RP1L1: variants seen among roughly 807,000 people sequenced by gnomAD.
RP1L1 encodes the protein RP1 like 1.
In RP1L1, 27 loss-of-function variants were observed where a neutral mutation model predicts 15.7. The ratio of observed to expected loss-of-function variants is 1.72; its 90% confidence interval spans 1.27 to 2.38. The LOEUF is 2.38. Ranked by LOEUF, RP1L1 falls within the 30% of genes most tolerant of loss-of-function variation. The probability of loss-of-function intolerance (pLI) is 0.00; values close to 1 mark genes in which losing one functional copy is unlikely to be tolerated. For synonymous variants in RP1L1, 1,813 were observed against 1,276.7 expected (o/e 1.42, Z -8.96); for missense variants, 4,798 against 3,075.9 (o/e 1.56, Z -13.24).
chr8:10,646,739 T>A (rs898731565), intron 1 of RP1L1, among the ~76,000 whole-genome samples: 2 of 152,188 alleles, frequency 1.3e-5, no homozygotes, highest in African/African-American at 4.8e-5. Flanking sequence ...CTCAACCACC[T>A]ACTAGCTACG....
In RP1L1 at chr8:10,609,424, G is replaced by A. The variant is rs372744963; in HGVS notation, c.4674C>T (p.Ala1558=). ...GTTGGGCCACGTCCTGCTGCAGCTC[G>A]GCCGCCATCTGGTCCAGCAGATCAT... ...QDNDLLDQMA[A]ELQQDVAQRL... Residue 1558 remains alanine, a synonymous_variant, in exon 4 of 4, where the codon GCC becomes GCT. Transcript: ENST00000382483. The A allele has an allele frequency of 3.0e-5, 49 of 1,612,108 alleles. No individual in the cohort carries two copies. Among genetic ancestry groups the A allele is most frequent in the South Asian group, 4.4e-5 (4 of 91,056 alleles).
intron 1 of RP1L1, among the ~76,000 whole-genome samples, chr8:10,652,704 G>T (rs1798580600): frequency 6.6e-6 from 1 of 151,160 alleles, no homozygotes; most frequent in Non-Finnish European, 1.5e-5. Flanking sequence ...GCCCACATCT[G>T]AACACCAAGA....
Position 10,608,268 on chromosome 8 carries a change from C to T in RP1L1, c.5830G>A (p.Glu1944Lys), listed in dbSNP as rs1797751161. Residue 1944 changes from glutamate (E) to lysine (K), a missense_variant, in exon 4 of 4, where the codon GAA becomes AAA. Glu to Lys is a moderately conservative substitution (Grantham distance 56). Transcript: ENST00000382483. ...CCTTCTGCCTCCTGGGCCGCCTCTT[C>T]TGCCTCTTGGGCCTCTGCACCTTCT... ...ESEGAEAQEA[E>K]EAAQEAEGQT... The T allele has an allele frequency of 6.3e-7, 1 of 1,596,944 alleles. No individual in the cohort carries two copies. The highest frequency in any genetic ancestry group is 8.6e-7 in the Non-Finnish European group (1 of 1,167,600).
At chr8:10,619,870 A>T (rs1798030792) in intron 2 of RP1L1, among the ~76,000 whole-genome samples, 1 of 151,888 alleles carries the variant, frequency 6.6e-6, no homozygotes. Flanking sequence ...CTGAGGCAGA[A>T]GAATCGCTTG....
At position 10,631,282 on chromosome 8, in the gene RP1L1, C is replaced by T. The variant is rs370837378; in HGVS notation, c.-19-8062G>A. On this transcript the variant is annotated intron_variant, in intron 1 of 3. Transcript: ENST00000382483. ...ACACACGCACACAAACACGCATGCACACACACGCACACAAACACGCATGCA... is the reference window on the plus strand; with the variant it reads ...ACACACGCACACAAACACGCATGCATACACACGCACACAAACACGCATGCA... Among the ~76,000 whole-genome samples the T allele has an allele frequency of 4.2e-4, 63 of 151,148 alleles. No homozygotes were observed. The South Asian group carries it at 0.012, about 29-fold the overall frequency.
At chr8:10,615,670 G>A (rs12544796) in intron 3 of RP1L1, among the ~76,000 whole-genome samples, 47,579 of 151,168 alleles carry the variant, frequency 0.31, 7,844 homozygotes, top group East Asian at 0.55. Flanking sequence ...CTGGGACCAC[G>A]GGTATGCGCC....
chr8:10,614,782 G>C (rs117434978), intron 3 of RP1L1, among the ~76,000 whole-genome samples: 3 of 151,618 alleles, frequency 2.0e-5, no homozygotes, highest in Non-Finnish European at 4.4e-5. Flanking sequence ...CCATCTCCTG[G>C]GGGGAGGGGG....
At chr8:10,613,996 G>T (rs1476070104) in intron 3 of RP1L1, among the ~76,000 whole-genome samples, 1 of 152,146 alleles carries the variant, frequency 6.6e-6, no homozygotes, top group Non-Finnish European at 1.5e-5. Flanking sequence ...GATTGGTTCG[G>T]TTCGTATTGA....
In RP1L1 at chr8:10,608,737, C is replaced by G. The variant is rs745721841; in HGVS notation, c.5361G>C (p.Leu1787Phe). The G allele has an allele frequency of 6.2e-7, 1 of 1,614,250 alleles. No individual in the cohort carries two copies. ...HNSETSAGSE[L>F]GEAEQEGEGI... ...CCTCTCCCTCCTGCTCAGCTTCCCC[C>G]AACTCACTGCCCGCACTGGTTTCAC... is the stretch of plus-strand genomic sequence containing the variant. Residue 1787 changes from leucine to phenylalanine, a missense_variant, in exon 4 of 4, where the codon TTG becomes TTC. By Grantham distance (22) the Leu-to-Phe change is conservative. Coordinates refer to ENST00000382483, the MANE Select transcript of RP1L1 (RefSeq NM_178857.6).
In RP1L1 at chr8:10,609,084, G is replaced by A. The variant is rs750551276; in HGVS notation, c.5014C>T (p.Pro1672Ser). Reference sequence around the variant, plus strand: ...CTGGTTGCCCCCATTGTGGCCTTGGGGGACATAGGGCTCACTTTCTTCCTC... The same window carrying A: ...CTGGTTGCCCCCATTGTGGCCTTGGAGGACATAGGGCTCACTTTCTTCCTC... The part of the protein sequence containing the change: ...CVRKKVSPMS[P>S]KATMGATRGP... Residue 1672 changes from proline to serine, a missense_variant, in exon 4 of 4, where the codon CCC (proline) becomes TCC (serine). Physicochemically the swap from Pro to Ser is moderately conservative, Grantham distance 74 (BLOSUM62 -1). Coordinates refer to ENST00000382483, the MANE Select transcript of RP1L1 (RefSeq NM_178857.6). 28 of 1,613,792 alleles carry A rather than the reference G, an allele frequency of 1.7e-5. 2 individuals are homozygous for A. In the South Asian group the frequency reaches 1.8e-4, roughly 10 times the overall value.
rs770222295 is a variant in RP1L1 at position 10,608,727 on chromosome 8, C to T, written c.5371G>A (p.Glu1791Lys). The change falls in exon 4 of 4, where the codon GAG (glutamate) becomes AAG (lysine). Residue 1791 changes from glutamate (E) to lysine (K), a missense_variant. Physicochemically the swap from Glu to Lys is moderately conservative, Grantham distance 56. Coordinates refer to ENST00000382483, the MANE Select transcript of RP1L1 (RefSeq NM_178857.6). ...TSAGSELGEA[E>K]QEGEGISERG... ...TCACTTATGCCCTCTCCCTCCTGCTCAGCTTCCCCCAACTCACTGCCCGCA... is the reference window on the plus strand; with the variant it reads ...TCACTTATGCCCTCTCCCTCCTGCTTAGCTTCCCCCAACTCACTGCCCGCA... The T allele has an allele frequency of 3.7e-6, 6 of 1,614,236 alleles. 1 individual carries two copies. In the Admixed American group the frequency reaches 8.3e-5, roughly 22 times the overall value.
At chr8:10,644,908 T>C (rs1307402869) in intron 1 of RP1L1, among the ~76,000 whole-genome samples, 1 of 152,206 alleles carries the variant, frequency 6.6e-6, no homozygotes, top group Admixed American at 6.5e-5. Context: ...GGTGAAAAAT[T>C]CAGTCACGTG....
chr8:10,618,852 G>A (rs762165047), intron 2 of RP1L1, among the ~76,000 whole-genome samples: 19 of 151,746 alleles, frequency 1.3e-4, no homozygotes, highest in Non-Finnish European at 2.4e-4. Flanking sequence ...TTTGGTTTTC[G>A]TGTTTTTTTG....
Position 10,610,065 on chromosome 8 carries a change from C to A in RP1L1, c.4033G>T (p.Glu1345Ter). ...TCTTCTTCTTGCTGTCCTTCTCCTT[C>A]TGTTTCTTTAGTTTCCTCTAACTGC... ...GVQLEETKET[E>*]GEGQQEEEAQ... Residue 1345 changes from glutamate to a stop codon, truncating the protein, a stop_gained, in exon 4 of 4, where the codon GAA becomes TAA. Coordinates refer to ENST00000382483, the MANE Select transcript of RP1L1 (RefSeq NM_178857.6). LOFTEE classifies it low-confidence loss of function (END_TRUNC). The A allele has an allele frequency of 2.7e-6, 4 of 1,468,734 alleles. 1 individual carries two copies. Among genetic ancestry groups the A allele is most frequent in the Non-Finnish European group, 1.8e-6 (2 of 1,091,508 alleles). 91.0% of individuals were successfully genotyped at this position (1,468,734 alleles called of 1,614,324 possible).
rs1177516946 is a variant in RP1L1, at chr8:10,608,883, C to T, written c.5215G>A (p.Gly1739Arg). The T allele has an allele frequency of 2.5e-6, 4 of 1,613,904 alleles. No homozygotes were observed. Among genetic ancestry groups the T allele is most frequent in the East Asian group, 4.5e-5 (2 of 44,876 alleles). The change falls in exon 4 of 4, where the codon GGA (glycine) becomes AGA (arginine). Residue 1739 changes from glycine (G) to arginine (R), a missense_variant. Physicochemically the swap from Gly to Arg is moderately radical, Grantham distance 125. Transcript: ENST00000382483. ...TCGCCATCCTCACCCTCGTCCACTCCAGGCCCCTGGCTCAGCCCCGGCCCC... is the reference window on the plus strand; with the variant it reads ...TCGCCATCCTCACCCTCGTCCACTCTAGGCCCCTGGCTCAGCCCCGGCCCC... The part of the protein sequence containing the change: ...GLGPGLSQGP[G>R]VDEGEDGEGS...
Position 10,609,552 on chromosome 8 carries a change from G to C in RP1L1, c.4546C>G (p.Pro1516Ala). The C allele has an allele frequency of 6.2e-7, 1 of 1,604,566 alleles. No individual in the cohort carries two copies. Among genetic ancestry groups the C allele is most frequent in the Non-Finnish European group, 8.5e-7 (1 of 1,177,058 alleles). Residue 1516 changes from proline to alanine, a missense_variant, in exon 4 of 4, where the codon CCC (proline) becomes GCC (alanine). By Grantham distance (27) the Pro-to-Ala change is conservative. Coordinates refer to ENST00000382483, the MANE Select transcript of RP1L1 (RefSeq NM_178857.6). ...VACSAALDCD[P>A]IWVSVLLKKT... ...TTCAGTAACACGGACACCCAGATGG[G>C]GTCGCAGTCCAGAGCCGCGCTGCAG...
intron 1 of RP1L1, among the ~76,000 whole-genome samples, chr8:10,635,200 C>T (rs908134525): frequency 6.6e-6 from 1 of 152,194 alleles, no homozygotes; most frequent in African/African-American, 2.4e-5. Context: ...CTCCCCGGGA[C>T]CTGGCTTTCC....
At chr8:10,645,344 C>T (rs1224987638) in intron 1 of RP1L1, among the ~76,000 whole-genome samples, 1 of 151,962 alleles carries the variant, frequency 6.6e-6, no homozygotes, top group Non-Finnish European at 1.5e-5. Context: ...AACAAATGAA[C>T]AAACAAAAAT....
rs757226534 is a variant in RP1L1, at chr8:10,622,552, A to G, written c.609+41T>C. 17 of 1,613,474 alleles carry G rather than the reference A, an allele frequency of 1.1e-5. No individual in the cohort carries two copies. In the African/African-American group the frequency reaches 1.1e-4, roughly 10 times the overall value. On this transcript the variant is annotated intron_variant, in intron 2 of 3. Transcript: ENST00000382483. Reference sequence around the variant, plus strand: ...ATGTGAGTATTTTGACCTCAGGTCTAAAGAACCTTTTCAAGGAACCGTCAG... The same window carrying G: ...ATGTGAGTATTTTGACCTCAGGTCTGAAGAACCTTTTCAAGGAACCGTCAG...
Sources: allele counts gnomAD v4.1 joint callset (sites outside exome capture counted in the v4.1 genomes callset), GRCh38; gene constraint gnomAD v4.1.1; transcripts MANE v1.5; gene names NCBI Gene and HGNC (gene_info 2026-07-23, HGNC 2026-07-21).